TNFRSF1B: variants seen among roughly 807,000 people sequenced by gnomAD.
TNFRSF1B encodes the protein tumor necrosis factor receptor superfamily member 1B.
Under a neutral mutation model 44.6 loss-of-function variants are expected in TNFRSF1B, and 19 were observed. That is an observed-to-expected ratio of 0.43 (90% CI 0.30 to 0.62). The LOEUF (loss-of-function observed/expected upper bound fraction) is 0.62, where lower values mean the gene tolerates loss of function less well. Ranked by LOEUF, TNFRSF1B falls within the 20% of genes least tolerant of loss-of-function variation. The pLI is 0.16. For missense variants in TNFRSF1B, 541 were observed against 619.9 expected (o/e 0.87, Z 1.35); for synonymous variants, 252 against 261.1 (o/e 0.97, Z 0.34).
At chr1:12,181,708 T>TG (rs532965401) in intron 1 of TNFRSF1B, among the ~76,000 whole-genome samples, 1 of 152,114 alleles carries the variant, frequency 6.6e-6, no homozygotes, top group Non-Finnish European at 1.5e-5. Context: ...CTGCCCTCCC[T>TG]GGGGGGAAGG....
In TNFRSF1B at chr1:12,169,555, G is replaced by A. The variant is rs1317713169; in HGVS notation, c.78+2386G>A. Among the ~76,000 whole-genome samples the A allele has an allele frequency of 6.6e-6, 1 of 152,166 alleles. No homozygotes were observed. The highest frequency in any genetic ancestry group is 2.4e-5 in the African/African-American group (1 of 41,412). ...TCCCCGTGCCCGTATCTGCACTCAT[G>A]CTCCCAGCCAGGCCCTCACACACAG... On this transcript the variant is annotated intron_variant, in intron 1 of 9. Transcript: ENST00000376259. The surrounding 1 kb of genome is among the most constrained non-coding windows in gnomAD (Gnocchi z 4.5).
intron 2 of TNFRSF1B, 70 bp from the exon 3 acceptor site, chr1:12,190,887 G>T: frequency 6.4e-7 from 1 of 1,562,482 alleles, no homozygotes; most frequent in South Asian, 1.2e-5. Flanking sequence ...ACTTTGTGGG[G>T]ACAGTGGATG....
In TNFRSF1B at chr1:12,167,361, G is replaced by A. The variant is rs1208893993; in HGVS notation, c.78+192G>A. 9.9e-6 allele frequency: 4 copies of A among 404,982 alleles called. No homozygotes were observed. The South Asian group carries it at 2.7e-4, about 28-fold the overall frequency. The allele number at this position is 404,982 out of a possible 1,614,324, so 25.1% of individuals were successfully genotyped here. On this transcript the variant is annotated intron_variant, in intron 1 of 9. Transcript: ENST00000376259. The stretch of plus-strand genomic sequence containing the variant: ...GGGACCCGCTGGGGACTCCGGGCCC[G>A]GCACACGTGCGCTCGGGGCACAACT...
chr1:12,179,440 C>A (rs1475125486), intron 1 of TNFRSF1B, among the ~76,000 whole-genome samples: 1 of 152,182 alleles, frequency 6.6e-6, no homozygotes, highest in East Asian at 1.9e-4. Context: ...CCCTAGGGGC[C>A]CCGCGACCCG....
chr1:12,188,682 A>G, intron 1 of TNFRSF1B, 114 bp from the exon 2 acceptor site: 1 of 922,462 alleles, frequency 1.1e-6, no homozygotes, highest in South Asian at 1.6e-5. Context: ...AGCCATCATC[A>G]GTGCAGACTG....
rs4044500 is a variant in TNFRSF1B at position 12,192,276 on chromosome 1, C to CTGTGTGTG, written c.458-131_458-124dup. ...TGTGTGTGCATGTGTGTACAGGCAT[C>CTGTGTGTG]TGTGTGTGTGTGTGTGTGTGTGTGT... On this transcript the variant is annotated intron_variant, in intron 4 of 9. Transcript: ENST00000376259. 9.9e-4 allele frequency: 682 copies of CTGTGTGTG among 688,796 alleles called. 3 individuals carry two copies. The African/African-American group carries it at 0.011, about 11-fold the overall frequency. 42.7% of individuals were successfully genotyped at this position (688,796 alleles called of 1,614,324 possible).
At chr1:12,196,750 C>G (rs961299103) in intron 8 of TNFRSF1B, among the ~76,000 whole-genome samples, 2 of 152,138 alleles carry the variant, frequency 1.3e-5, no homozygotes, top group African/African-American at 2.4e-5. Flanking sequence ...TTTCACTGCT[C>G]CCTTTCTCCA....
At chr1:12,175,611 T>G (rs2101081416) in intron 1 of TNFRSF1B, among the ~76,000 whole-genome samples, 1 of 152,190 alleles carries the variant, frequency 6.6e-6, no homozygotes, top group East Asian at 1.9e-4. Flanking sequence ...GCTCCTGCTG[T>G]CATTTCCTGA....
At chr1:12,198,242 C>T (rs909392543) in intron 8 of TNFRSF1B, among the ~76,000 whole-genome samples, 7 of 152,030 alleles carry the variant, frequency 4.6e-5, no homozygotes, top group East Asian at 3.9e-4. Flanking sequence ...GGGTGTTGAA[C>T]GGATGCCAGG....
At chr1:12,167,214 C>A in intron 1 of TNFRSF1B, 45 bp downstream of exon 1, 1 of 1,225,250 alleles carries the variant, frequency 8.2e-7, no homozygotes, top group Non-Finnish European at 1.0e-6. Context: ...CCCCGCATGT[C>A]CACCCGGCTG....
rs1197180713 is a variant in TNFRSF1B at position 12,174,160 on chromosome 1, T to TCTTCTCCTTCTC, written c.78+7081_78+7092dup. Reference sequence around the variant, plus strand: ...TTCTTCTTCTTCTTCTTCTTCTTCTTCTTCTCCTTCTCCTTCTCCTTCTCC... The same window carrying TCTTCTCCTTCTC: ...TTCTTCTTCTTCTTCTTCTTCTTCTTCTTCTCCTTCTCCTTCTCCTTCTCCTTCTCCTTCTCC... On this transcript the variant is annotated intron_variant, in intron 1 of 9. Transcript: ENST00000376259. 1.5e-3 allele frequency among the ~76,000 whole-genome samples: 104 copies of TCTTCTCCTTCTC among 67,848 alleles called. 1 individual carries two copies. Among genetic ancestry groups the TCTTCTCCTTCTC allele is most frequent in the Middle Eastern group, 6.3e-3 (1 of 160 alleles). 44.5% of individuals were successfully genotyped at this position (67,848 alleles called of 152,430 possible).
Position 12,185,315 on chromosome 1 carries a change from T to C in TNFRSF1B, c.79-3481T>C, listed in dbSNP as rs914642233. On this transcript the variant is annotated intron_variant, in intron 1 of 9. Transcript: ENST00000376259. ...ACTGGGGAGATTTCCTTTTTCTTTT[T>C]CTTTCTCTTTTTTTAATGGTACAGC... Among the ~76,000 whole-genome samples, 13 of 152,086 alleles carry C rather than the reference T, an allele frequency of 8.5e-5. 1 individual carries two copies. Among genetic ancestry groups the C allele is most frequent in the Non-Finnish European group, 1.8e-4 (12 of 68,002 alleles).
chr1:12,204,586 A>G (rs529678949), intron 9 of TNFRSF1B, among the ~76,000 whole-genome samples: 7 of 152,060 alleles, frequency 4.6e-5, no homozygotes, highest in Non-Finnish European at 8.8e-5. Context: ...CTTCATATTC[A>G]TCTCAGCAAA....
At chr1:12,183,685 TATCTATC>T (rs1638876647) in intron 1 of TNFRSF1B, among the ~76,000 whole-genome samples, 1 of 128,696 alleles carries the variant, frequency 7.8e-6, no homozygotes, top group Non-Finnish European at 1.8e-5. Context: ...TCTATCTATC[TATCTATC>T]TATCTATCTA....
chr1:12,181,600 C>T (rs1349936420), intron 1 of TNFRSF1B, among the ~76,000 whole-genome samples: 1 of 152,198 alleles, frequency 6.6e-6, no homozygotes, highest in Non-Finnish European at 1.5e-5. Context: ...CATAGACCCT[C>T]TAACCTAAGT....
At position 12,188,820 on chromosome 1, in the gene TNFRSF1B, G is replaced by C. The variant is rs1639043827; in HGVS notation, c.103G>C (p.Glu35Gln). The change falls in exon 2 of 10, where the codon GAG (glutamate) becomes CAG (glutamine). Residue 35 changes from glutamate (E) to glutamine (Q), a missense_variant. Coordinates refer to ENST00000376259, the MANE Select transcript of TNFRSF1B (RefSeq NM_001066.3). ...AQVAFTPYAP[E>Q]PGSTCRLREY... ...GGTGGCATTTACACCCTACGCCCCG[G>C]AGCCCGGGAGCACATGCCGGCTCAG... 5 of 1,613,742 alleles carry C rather than the reference G, an allele frequency of 3.1e-6. No individual in the cohort carries two copies. The highest frequency in any genetic ancestry group is 4.2e-6 in the Non-Finnish European group (5 of 1,179,866).
At chr1:12,188,684 T>G (rs1247489176) in intron 1 of TNFRSF1B, 112 bp from the exon 2 acceptor site, 1 of 980,526 alleles carries the variant, frequency 1.0e-6, no homozygotes, top group African/African-American at 1.6e-5. Context: ...CCATCATCAG[T>G]GCAGACTGGC....
At chr1:12,170,102 T>G (rs1211137684) in intron 1 of TNFRSF1B, among the ~76,000 whole-genome samples, 1 of 152,182 alleles carries the variant, frequency 6.6e-6, no homozygotes, top group Non-Finnish European at 1.5e-5. Context: ...GTGTGTTGAC[T>G]GAGGGTGTGG....
intron 8 of TNFRSF1B, among the ~76,000 whole-genome samples, chr1:12,198,695 T>TTTTTTTTTTTG (rs1639323897): frequency 7.4e-6 from 1 of 135,156 alleles, no homozygotes; most frequent in Non-Finnish European, 1.6e-5. Context: ...AATTCTGTTT[T>TTTTTTTTTTTG]TTTTTTTTTT....
Sources: allele counts gnomAD v4.1 joint callset (sites outside exome capture counted in the v4.1 genomes callset), GRCh38; gene constraint gnomAD v4.1.1; non-coding constraint Gnocchi (gnomAD v3.1); transcripts MANE v1.5; gene names NCBI Gene and HGNC (gene_info 2026-07-23, HGNC 2026-07-21).